DZIP1: variants seen among roughly 807,000 people sequenced by gnomAD.
DZIP1 encodes DAZ interacting zinc finger protein 1, also known as cilium assembly protein DZIP1.
A neutral mutation model predicts 107.6 loss-of-function variants in DZIP1; 97 were observed. The observed-to-expected ratio is 0.90, with a 90% CI of 0.77 to 1.07. The LOEUF is 1.07. Ranked by LOEUF, DZIP1 falls within the 50% of genes least tolerant of loss-of-function variation. The pLI is 0.00. For missense variants in DZIP1, 1,035 were observed against 1,063.6 expected (o/e 0.97, Z 0.37); for synonymous variants, 390 against 386.4 (o/e 1.01, Z -0.11).
At position 95,642,192 on chromosome 13, in the gene DZIP1, T is replaced by A. The variant is rs752470499; in HGVS notation, c.-163A>T. ...CTATAGCAGCGCCCAGGTCCGGACC[T>A]GGAGCAAAGGGCGCGTCTGCCCGCG... On this transcript the variant is annotated 5_prime_UTR_variant, in exon 4 of 23. Transcript: ENST00000376829. 9.8e-6 allele frequency: 9 copies of A among 918,496 alleles called. No individual in the cohort carries two copies. Among genetic ancestry groups the A allele is most frequent in the Non-Finnish European group, 1.4e-5 (9 of 651,600 alleles). 56.9% of individuals were successfully genotyped at this position (918,496 alleles called of 1,614,324 possible). A position where few individuals can be genotyped will look rare whatever the true frequency, so the allele number is the denominator to read the frequency against.
intron 13 of DZIP1, among the ~76,000 whole-genome samples, chr13:95,606,376 C>A (rs78699078): frequency 1.3e-5 from 1 of 77,978 alleles, no homozygotes; most frequent in Non-Finnish European, 2.4e-5. Context: ...TGCCCCATAC[C>A]CATCACACCT....
chr13:95,624,392 T>C (rs1490697977), intron 8 of DZIP1, among the ~76,000 whole-genome samples: 1 of 152,218 alleles, frequency 6.6e-6, no homozygotes, highest in Non-Finnish European at 1.5e-5. Context: ...GGAGGGAGCC[T>C]GGCAAAGGTT....
intron 22 of DZIP1, among the ~76,000 whole-genome samples, 192 bp from the exon 23 acceptor site, chr13:95,582,505 G>A (rs546699003): frequency 2.0e-5 from 3 of 152,260 alleles, no homozygotes; most frequent in Admixed American, 6.5e-5. Context: ...TGAACTGGTC[G>A]CATCTCTAGG....
intron 7 of DZIP1, among the ~76,000 whole-genome samples, chr13:95,628,842 C>T (rs1271449768): frequency 6.6e-6 from 1 of 152,040 alleles, no homozygotes; most frequent in African/African-American, 2.4e-5. Context: ...GGCAAAATCA[C>T]AGAGAGGGAA....
chr13:95,630,499 C>T (rs1038208935), intron 6 of DZIP1, among the ~76,000 whole-genome samples: 1 of 151,974 alleles, frequency 6.6e-6, no homozygotes, highest in Non-Finnish European at 1.5e-5. Flanking sequence ...CCTCTGCAGG[C>T]ACCACCATAC....
In DZIP1 at chr13:95,641,610, C is replaced by G. The variant is rs1878512207; in HGVS notation, c.282G>C (p.Met94Ile). 1.2e-6 allele frequency: 2 copies of G among 1,612,704 alleles called. No homozygotes were observed. The highest frequency in any genetic ancestry group is 1.1e-5 in the South Asian group (1 of 91,084). Residue 94 changes from methionine to isoleucine, a missense_variant, in exon 5 of 23, where the codon ATG becomes ATC. By Grantham distance (10) the Met-to-Ile change is conservative. Coordinates refer to ENST00000376829, the MANE Select transcript of DZIP1 (RefSeq NM_198968.4). The surrounding 1 kb of genome is among the most constrained non-coding windows in gnomAD (Gnocchi z 4.3). ...VDVLTLQENI[M>I]NITFCKLEDE... ...CTTCCAGCTTGCAGAAGGTGATGTTCATGATGTTCTCCTGCAGCGTCAGCA... is the reference window on the plus strand; with the variant it reads ...CTTCCAGCTTGCAGAAGGTGATGTTGATGATGTTCTCCTGCAGCGTCAGCA...
intron 10 of DZIP1, among the ~76,000 whole-genome samples, chr13:95,613,221 G>C (rs750972877): frequency 3.3e-5 from 5 of 152,126 alleles, no homozygotes; most frequent in Non-Finnish European, 7.4e-5. Context: ...ACAAAGGGGG[G>C]GCGGCTTGAG....
intron 9 of DZIP1, among the ~76,000 whole-genome samples, chr13:95,620,870 A>C (rs1210254416): frequency 6.6e-6 from 1 of 152,226 alleles, no homozygotes; most frequent in Non-Finnish European, 1.5e-5. Context: ...ATGAGCGACC[A>C]GCTGTAGTCT....
intron 14 of DZIP1, among the ~76,000 whole-genome samples, chr13:95,603,900 T>C (rs1372721114): frequency 6.6e-6 from 1 of 152,216 alleles, no homozygotes; most frequent in African/African-American, 2.4e-5. Flanking sequence ...CTGGCAATGT[T>C]GGCTCCTAGC....
At chr13:95,597,485 G>A (rs1044505941) in intron 15 of DZIP1, among the ~76,000 whole-genome samples, 1 of 152,272 alleles carries the variant, frequency 6.6e-6, no homozygotes, top group African/African-American at 2.4e-5. Context: ...TTGTTCTTCC[G>A]TTTCTGGAAA....
At chr13:95,609,118 T>C (rs200817649) in intron 13 of DZIP1, among the ~76,000 whole-genome samples, 2 of 152,058 alleles carry the variant, frequency 1.3e-5, no homozygotes, top group African/African-American at 4.8e-5. Flanking sequence ...TTTCAAAGTG[T>C]GGTGACACCA....
rs2138823216 is a variant in DZIP1, at chr13:95,590,284, G to A, written c.1838C>T (p.Ser613Phe). The A allele has an allele frequency of 6.2e-7, 1 of 1,607,998 alleles. No homozygotes were observed. ...GCAGTGGGTAACAAGCTTACCTGAA[G>A]AGAGTAGTGCTTTCTCCTCAATTTT... ...SCKIEEKALL[S>F]SDQCSVSQMD... The change falls in exon 17 of 23, where the codon TCT (serine) becomes TTT (phenylalanine). Residue 613 changes from serine to phenylalanine, a missense_variant. Ser to Phe is a radical substitution (Grantham distance 155, BLOSUM62 -2). Coordinates refer to ENST00000376829, the MANE Select transcript of DZIP1 (RefSeq NM_198968.4).
chr13:95,606,078 G>T lies in DZIP1; in HGVS notation c.1421-19C>A, dbSNP rs2044764128. ...GCATTCACTGAAACAGCATAAAAAG[G>T]AAAAACTCAGAGGTTCCATAATTAA... On this transcript the variant is annotated intron_variant, in intron 13 of 22. Coordinates refer to ENST00000376829, the MANE Select transcript of DZIP1 (RefSeq NM_198968.4). 3 of 1,610,884 alleles carry T rather than the reference G, an allele frequency of 1.9e-6. No individual in the cohort carries two copies. The South Asian group carries it at 3.3e-5, about 18-fold the overall frequency.
chr13:95,602,339 G>A (rs896418133), intron 14 of DZIP1, among the ~76,000 whole-genome samples: 1 of 152,074 alleles, frequency 6.6e-6, no homozygotes, highest in African/African-American at 2.4e-5. Flanking sequence ...TGTCAGCTAC[G>A]CCAGGAAGTC....
At chr13:95,622,129 G>A (rs575861235) in intron 9 of DZIP1, among the ~76,000 whole-genome samples, 268 of 152,112 alleles carry the variant, frequency 1.8e-3, no homozygotes, top group Non-Finnish European at 2.9e-3. Flanking sequence ...AAACAAAACA[G>A]TTCTGCCAAC....
chr13:95,606,957 T>A (rs2044798532), intron 13 of DZIP1, among the ~76,000 whole-genome samples: 2 of 152,230 alleles, frequency 1.3e-5, no homozygotes, highest in African/African-American at 4.8e-5. Context: ...TATGGTCTAT[T>A]AGTTTACCGC....
intron 21 of DZIP1, among the ~76,000 whole-genome samples, chr13:95,585,673 G>A: frequency 6.6e-6 from 1 of 152,180 alleles, no homozygotes. Context: ...TCATGCCAGG[G>A]TAGTGAAGAA....
At chr13:95,613,999 GC>G (rs1874720835) in intron 10 of DZIP1, among the ~76,000 whole-genome samples, 1 of 152,008 alleles carries the variant, frequency 6.6e-6, no homozygotes, top group African/African-American at 2.4e-5. Flanking sequence ...GGTGGGGTTA[GC>G]CTGTAGTCCT....
intron 10 of DZIP1, 80 bp downstream of exon 10, chr13:95,619,805 A>T (rs957369609): frequency 1.4e-6 from 2 of 1,421,572 alleles, no homozygotes; most frequent in Non-Finnish European, 9.8e-7. Flanking sequence ...TAAGTGGACA[A>T]ATATTATGTT....
Sources: allele counts gnomAD v4.1 joint callset (sites outside exome capture counted in the v4.1 genomes callset), GRCh38; gene constraint gnomAD v4.1.1; non-coding constraint Gnocchi (gnomAD v3.1); transcripts MANE v1.5; gene names NCBI Gene and HGNC (gene_info 2026-07-23, HGNC 2026-07-21).